RAB33B: variants seen among roughly 807,000 people sequenced by gnomAD.
The protein encoded by RAB33B is RAB33B, member RAS oncogene family.
In RAB33B, 6 loss-of-function variants were observed where a neutral mutation model predicts 15.0. The ratio of observed to expected loss-of-function variants is 0.40; its 90% CI spans 0.22 to 0.79. RAB33B has a LOEUF of 0.79. Among genes scored for constraint, RAB33B ranks in the 30% least tolerant of loss-of-function variants. The pLI, the probability that RAB33B is intolerant of heterozygous loss-of-function variation, is 0.37. For missense variants in RAB33B, 257 were observed against 296.4 expected, an observed-to-expected ratio of 0.87 and a Z score of 0.98; for synonymous variants, 117 against 108.3, an observed-to-expected ratio of 1.08 and a Z score of -0.50.
intron 1 of RAB33B, among the ~76,000 whole-genome samples, chr4:139,463,176 A>G (rs1750205797): frequency 6.6e-6 from 1 of 152,066 alleles, no homozygotes; most frequent in Non-Finnish European, 1.5e-5. Flanking sequence ...AGATAATAAT[A>G]ATTTCTTTTT....
At chr4:139,472,650 G>A (rs754186938) in intron 1 of RAB33B, 36 bp from the exon 2 acceptor site, 8 of 1,461,202 alleles carry the variant, frequency 5.5e-6, no homozygotes, top group Non-Finnish European at 6.6e-6. Context: ...ATTGGAATGG[G>A]ATTTTCAGTT....
At chr4:139,461,647 A>G (rs1750173370) in intron 1 of RAB33B, among the ~76,000 whole-genome samples, 1 of 152,200 alleles carries the variant, frequency 6.6e-6, no homozygotes, top group Non-Finnish European at 1.5e-5. Context: ...ATAGGGAAAG[A>G]GGATGGATAA....
At chr4:139,462,649 T>C (rs1228339168) in intron 1 of RAB33B, among the ~76,000 whole-genome samples, 1 of 152,216 alleles carries the variant, frequency 6.6e-6, no homozygotes, top group African/African-American at 2.4e-5. Flanking sequence ...GCTTTTTGTA[T>C]GTGGAGTAGA....
chr4:139,453,015 G>A (rs2111064524), upstream of RAB33B: 1 of 152,300 alleles, frequency 6.6e-6, no homozygotes, highest in Non-Finnish European at 1.5e-5. Flanking sequence ...CGTTTCCTCA[G>A]AAAAATTCAC....
intron 1 of RAB33B, among the ~76,000 whole-genome samples, chr4:139,464,723 C>A (rs2111079147): frequency 1.3e-5 from 2 of 152,216 alleles, no homozygotes; most frequent in East Asian, 3.9e-4. Flanking sequence ...TGAACTCATC[C>A]TTTTTTATGG....
chr4:139,443,577 A>G, the RAB33B span, among the ~76,000 whole-genome samples: 5 of 152,198 alleles, frequency 3.3e-5, no homozygotes, highest in African/African-American at 9.6e-5. Flanking sequence ...AAATTGTGGA[A>G]AAACAGACAC....
intron 1 of RAB33B, among the ~76,000 whole-genome samples, chr4:139,456,629 A>G (rs987835281): frequency 2.0e-5 from 3 of 152,210 alleles, no homozygotes; most frequent in African/African-American, 7.2e-5. Flanking sequence ...ACTTTAGCCT[A>G]ACTTGTTACA....
At chr4:139,453,161 A>G (rs991536944), upstream of RAB33B, 11 of 152,228 alleles carry the variant, frequency 7.2e-5, no homozygotes, top group African/African-American at 2.7e-4. Context: ...CTAGGGCATA[A>G]TGAGTTTTAT....
chr4:139,454,054 C>T, upstream of RAB33B: 2 of 1,005,276 alleles, frequency 2.0e-6, no homozygotes, highest in Non-Finnish European at 2.8e-6. Context: ...GGTGCGCAGG[C>T]GCGCTCGGGG....
At chr4:139,442,874 A>G in the RAB33B span, among the ~76,000 whole-genome samples, 1 of 152,166 alleles carries the variant, frequency 6.6e-6, no homozygotes, top group Admixed American at 6.5e-5. Flanking sequence ...CAGGAACAGA[A>G]TATTAAGGAT....
At chr4:139,464,386 GTTTTTTTTTTTTTT>G (rs372330119) in intron 1 of RAB33B, among the ~76,000 whole-genome samples, 1 of 101,772 alleles carries the variant, frequency 9.8e-6, no homozygotes, top group Non-Finnish European at 2.0e-5. Flanking sequence ...GAGGAATACT[GTTTTTTTTTTTTTT>G]TTTTTTTTTT....
At chr4:139,462,245 G>C (rs1307028073) in intron 1 of RAB33B, among the ~76,000 whole-genome samples, 1 of 151,606 alleles carries the variant, frequency 6.6e-6, no homozygotes, top group African/African-American at 2.4e-5. Context: ...AGTAGAGATG[G>C]GGTTTCACTG....
At chr4:139,460,902 C>T (rs563694943) in intron 1 of RAB33B, among the ~76,000 whole-genome samples, 39 of 152,128 alleles carry the variant, frequency 2.6e-4, no homozygotes, top group Non-Finnish European at 5.1e-4. Context: ...TTTTTCTAGC[C>T]TGATTTCAGA....
chr4:139,439,882 G>C, the RAB33B span, among the ~76,000 whole-genome samples: 29 of 151,742 alleles, frequency 1.9e-4, no homozygotes, highest in Admixed American at 9.2e-4. Flanking sequence ...GTTTCTTTTA[G>C]GTTTTCTATC....
intron 1 of RAB33B, among the ~76,000 whole-genome samples, chr4:139,456,709 G>A (rs776865308): frequency 7.0e-4 from 106 of 152,256 alleles, no homozygotes; most frequent in Non-Finnish European, 9.1e-4. Flanking sequence ...GCCACCAATG[G>A]TGAGACTTGA....
the RAB33B span, among the ~76,000 whole-genome samples, chr4:139,439,980 A>G: frequency 6.6e-6 from 1 of 152,046 alleles, no homozygotes; most frequent in African/African-American, 2.4e-5. Context: ...TTTCATTTGA[A>G]TGGGTTACAC....
At chr4:139,456,756 TG>T (rs1182747166) in intron 1 of RAB33B, among the ~76,000 whole-genome samples, 1 of 152,372 alleles carries the variant, frequency 6.6e-6, no homozygotes, top group Non-Finnish European at 1.5e-5. Flanking sequence ...ACTACAGACA[TG>T]TTCTGAGGTT....
In RAB33B at chr4:139,467,651, A is replaced by G. The variant is rs563233306; in HGVS notation, c.250-5035A>G. Among the ~76,000 whole-genome samples the G allele has an allele frequency of 9.2e-5, 14 of 151,460 alleles. No homozygotes were observed. The East Asian group carries it at 2.7e-3, about 30-fold the overall frequency. On this transcript the variant is annotated intron_variant, in intron 1 of 1. Coordinates refer to ENST00000305626, the MANE Select transcript of RAB33B (RefSeq NM_031296.3). ...AGCAGGCAAATCGCTTGAGCTGAGGAGTTCAGACCAGCCTGGCCAACATGG... is the reference window on the plus strand; with the variant it reads ...AGCAGGCAAATCGCTTGAGCTGAGGGGTTCAGACCAGCCTGGCCAACATGG...
upstream of RAB33B, chr4:139,453,346 G>C (rs1003411569): frequency 1.3e-5 from 2 of 152,122 alleles, no homozygotes; most frequent in African/African-American, 4.8e-5. Context: ...TCGAACTCTC[G>C]CCTGCTCTCC....
Sources: allele counts gnomAD v4.1 joint callset (sites outside exome capture counted in the v4.1 genomes callset), GRCh38; gene constraint gnomAD v4.1.1; transcripts MANE v1.5; gene names NCBI Gene and HGNC (gene_info 2026-07-23, HGNC 2026-07-21).